MMP24: variants seen among roughly 807,000 people sequenced by gnomAD.
The protein encoded by MMP24 is matrix metalloproteinase-24.
MMP24 carries 25 observed loss-of-function variants against 62.8 expected under a neutral mutation model. That is an observed-to-expected ratio of 0.40 (90% CI 0.29 to 0.56). MMP24 has a LOEUF of 0.56. MMP24 is among the 20% of genes least tolerant of loss of function. MMP24 has a pLI of 0.50. For synonymous variants in MMP24, 319 were observed against 350.5 expected (o/e 0.91, Z 1.00); for missense variants, 634 against 853.6 (o/e 0.74, Z 3.21).
Position 35,267,212 on chromosome 20 carries a change from A to AG in MMP24, c.988dup (p.Ala330GlyfsTer52). On this transcript the variant is annotated frameshift_variant, in exon 6 of 9. Coordinates refer to ENST00000246186, the MANE Select transcript of MMP24 (RefSeq NM_006690.4). LOFTEE classifies it high-confidence loss of function. ...TGCAGCTCCTCTCTCCAGGACCCCC[A>AG]GCCGAGCCTCTGGAGCCCACAAGGC... 6.3e-7 allele frequency: 1 copy of AG among 1,590,858 alleles called. No homozygotes were observed. The highest frequency in any genetic ancestry group is 8.5e-7 in the Non-Finnish European group (1 of 1,169,880).
Position 35,246,916 on chromosome 20 carries a change from A to C in MMP24, c.323A>C (p.Gln108Pro), listed in dbSNP as rs1164857524. ...ASALHSAKAL[Q>P]SAVSTMQQFY... Reference sequence around the variant, plus strand: ...GCGCTGCACTCAGCGAAGGCCTTGCAGTCGGCAGTCTCCACTATGCAGCAG... The same window carrying C: ...GCGCTGCACTCAGCGAAGGCCTTGCCGTCGGCAGTCTCCACTATGCAGCAG... Residue 108 changes from glutamine (Q) to proline (P), a missense_variant, in exon 2 of 9, where the codon CAG becomes CCG. Physicochemically the swap from Gln to Pro is moderately conservative, Grantham distance 76. Coordinates refer to ENST00000246186, the MANE Select transcript of MMP24 (RefSeq NM_006690.4). 2 of 1,613,954 alleles carry C rather than the reference A, an allele frequency of 1.2e-6. No homozygotes were observed. The highest frequency in any genetic ancestry group is 1.7e-6 in the Non-Finnish European group (2 of 1,179,904).
rs1156348549 is a variant in MMP24, at chr20:35,271,702, C to T, written c.1467C>T (p.Tyr489=). 1.2e-6 allele frequency: 2 copies of T among 1,607,584 alleles called. No homozygotes were observed. The highest frequency in any genetic ancestry group is 1.7e-5 in the Admixed American group (1 of 58,800). ...ALRWEPVGKT[Y]FFKGERYWRY... The stretch of plus-strand genomic sequence containing the variant: ...GCTGGGAACCTGTGGGCAAGACCTA[C>T]TTTTTCAAAGGCGAGCGGTACTGGC... The change falls in exon 8 of 9, where the codon TAC becomes TAT. Residue 489 remains tyrosine, a synonymous_variant. Transcript: ENST00000246186. This position sits in a 1 kb window ranked among gnomAD's most constrained non-coding sequence, Gnocchi z 4.0.
chr20:35,238,018 A>C (rs577970022), intron 1 of MMP24, among the ~76,000 whole-genome samples: 1 of 152,358 alleles, frequency 6.6e-6, no homozygotes, highest in East Asian at 1.9e-4. Context: ...GCCACCATTC[A>C]TGCCTGCATA....
chr20:35,234,092 T>C (rs1366042435), intron 1 of MMP24, among the ~76,000 whole-genome samples: 2 of 152,190 alleles, frequency 1.3e-5, no homozygotes, highest in Non-Finnish European at 2.9e-5. Flanking sequence ...CATTGGTCAC[T>C]AGACTCCAGT....
chr20:35,261,818 T>G (rs1198215661), intron 4 of MMP24, among the ~76,000 whole-genome samples: 34 of 126,170 alleles, frequency 2.7e-4, no homozygotes, highest in Non-Finnish European at 4.5e-4. Context: ...TTTTTTTTTT[T>G]GAGATGGAGT....
Position 35,251,900 on chromosome 20 carries a change from C to A in MMP24, c.396-5C>A, listed in dbSNP as rs1237296940. 1 of 1,611,150 alleles carries A rather than the reference C, an allele frequency of 6.2e-7. No individual in the cohort carries two copies. Among genetic ancestry groups the A allele is most frequent in the Admixed American group, 1.7e-5 (1 of 60,014 alleles). ...TGCGTGTGTGTGTGTCCTCTCTCTG[C>A]CCAGGTGGATGAAGAAACCCCGATG... On this transcript the variant is annotated splice_polypyrimidine_tract_variant and splice_region_variant and intron_variant, in intron 2 of 8. Transcript: ENST00000246186.
chr20:35,250,053 G>C (rs976662829), intron 2 of MMP24, among the ~76,000 whole-genome samples: 15 of 150,890 alleles, frequency 9.9e-5, no homozygotes, highest in African/African-American at 3.7e-4. Flanking sequence ...TCCAAGCTCA[G>C]GTGATCCTCC....
chr20:35,271,701 A>G lies in MMP24; in HGVS notation c.1466A>G (p.Tyr489Cys). The G allele has an allele frequency of 6.2e-7, 1 of 1,607,584 alleles. No individual in the cohort carries two copies. The highest frequency in any genetic ancestry group is 1.1e-5 in the South Asian group (1 of 89,744). Residue 489 changes from tyrosine to cysteine, a missense_variant, in exon 8 of 9, where the codon TAC becomes TGC. Physicochemically the swap from Tyr to Cys is radical, Grantham distance 194. Coordinates refer to ENST00000246186, the MANE Select transcript of MMP24 (RefSeq NM_006690.4). This position sits in a 1 kb window ranked among gnomAD's most constrained non-coding sequence, Gnocchi z 4.0. ...ALRWEPVGKT[Y>C]FFKGERYWRY... The stretch of plus-strand genomic sequence containing the variant: ...CGCTGGGAACCTGTGGGCAAGACCT[A>G]CTTTTTCAAAGGCGAGCGGTACTGG...
In MMP24 at chr20:35,267,172, GC is replaced by G; in HGVS notation, c.980-28del. The G allele has an allele frequency of 2.0e-6, 3 of 1,522,484 alleles. No individual in the cohort carries two copies. The South Asian group carries it at 3.6e-5, about 18-fold the overall frequency. The allele number at this position is 1,522,484 out of a possible 1,614,324, so 94.3% of individuals were successfully genotyped here. A position where few individuals can be genotyped will look rare whatever the true frequency, so the allele number is the denominator to read the frequency against. ...TGGCAATGGGAGGCGGGAAACGGCT[GC>G]CCCCTCTCTAAGATGCAGCTCCTCT... On this transcript the variant is annotated intron_variant, in intron 5 of 8. Transcript: ENST00000246186.
intron 1 of MMP24, among the ~76,000 whole-genome samples, chr20:35,242,933 T>C (rs910975230): frequency 3.3e-5 from 5 of 152,074 alleles, no homozygotes; most frequent in Admixed American, 6.6e-5. Flanking sequence ...ATCCCAGCAC[T>C]TTGGGAGGCC....
At chr20:35,236,039 AC>A (rs2060461361) in intron 1 of MMP24, 1 of 152,350 alleles carries the variant, frequency 6.6e-6, no homozygotes, top group Non-Finnish European at 1.5e-5. Context: ...TGGGCCAAGG[AC>A]ATTCTGCAGA....
At chr20:35,247,037 T>C (rs2060518809) in intron 2 of MMP24, 49 bp downstream of exon 2, 1 of 1,607,670 alleles carries the variant, frequency 6.2e-7, no homozygotes, top group Non-Finnish European at 8.5e-7. Flanking sequence ...GGACTTACAT[T>C]TGGGTTCACA....
chr20:35,269,791 G>C lies in MMP24; in HGVS notation c.1226G>C (p.Arg409Pro). 1 of 1,571,914 alleles carries C rather than the reference G, an allele frequency of 6.4e-7. No homozygotes were observed. Among genetic ancestry groups the C allele is most frequent in the Non-Finnish European group, 8.6e-7 (1 of 1,158,866 alleles). ...TGGTTCTGGCGTCTGCGCAATAACC[G>C]AGTGCAGGAGGGCTACCCCATGCAG... ...DRWFWRLRNN[R>P]VQEGYPMQIE... The change falls in exon 7 of 9, where the codon CGA becomes CCA. Residue 409 changes from arginine to proline, a missense_variant. Around this residue, in one of 3 missense-constraint regions of MMP24, gnomAD observed 399 missense variants for 530.8 expected, o/e 0.75. Transcript: ENST00000246186. This position sits in a 1 kb window ranked among gnomAD's most constrained non-coding sequence, Gnocchi z 4.6.
At chr20:35,233,777 A>G (rs1192559746) in intron 1 of MMP24, among the ~76,000 whole-genome samples, 1 of 152,212 alleles carries the variant, frequency 6.6e-6, no homozygotes, top group Non-Finnish European at 1.5e-5. Flanking sequence ...TGAGTCCGGG[A>G]GTTTGAGACC....
At chr20:35,249,281 A>AG (rs1029106126) in intron 2 of MMP24, among the ~76,000 whole-genome samples, 3 of 152,144 alleles carry the variant, frequency 2.0e-5, no homozygotes, top group African/African-American at 7.2e-5. Flanking sequence ...TTCCCTTCCC[A>AG]GGGACTGTTA....
chr20:35,255,309 C>T (rs188626596), intron 4 of MMP24, among the ~76,000 whole-genome samples: 29 of 151,058 alleles, frequency 1.9e-4, no homozygotes, highest in Admixed American at 1.3e-3. Flanking sequence ...CCAGCCCAGG[C>T]GACAAGAGTG....
intron 4 of MMP24, among the ~76,000 whole-genome samples, chr20:35,261,450 G>A (rs1193251130): frequency 6.6e-6 from 1 of 152,182 alleles, no homozygotes; most frequent in Non-Finnish European, 1.5e-5. Flanking sequence ...GGACATTGAG[G>A]CTTAGGGGTA....
At chr20:35,273,260 G>A (rs2060682945) in intron 8 of MMP24, among the ~76,000 whole-genome samples, 1 of 152,026 alleles carries the variant, frequency 6.6e-6, no homozygotes, top group Non-Finnish European at 1.5e-5. Context: ...GCTGGGCGTG[G>A]TGACATGTGC....
intron 7 of MMP24, among the ~76,000 whole-genome samples, 170 bp downstream of exon 7, chr20:35,270,068 T>C (rs1568621956): frequency 6.6e-6 from 1 of 152,146 alleles, no homozygotes; most frequent in African/African-American, 2.4e-5. Flanking sequence ...AGACTGAGAA[T>C]CTGTATGTGC....
Sources: allele counts gnomAD v4.1 joint callset (sites outside exome capture counted in the v4.1 genomes callset), GRCh38; gene constraint gnomAD v4.1.1; regional missense constraint gnomAD v4.1.1; non-coding constraint Gnocchi (gnomAD v3.1); transcripts MANE v1.5; gene names NCBI Gene and HGNC (gene_info 2026-07-23, HGNC 2026-07-21).